Variants in HEXB observed in about 807,000 individuals in gnomAD.
The protein encoded by HEXB is beta-hexosaminidase subunit beta.
HEXB carries 51 observed loss-of-function variants against 71.2 expected under a neutral mutation model. The observed-to-expected ratio is 0.72, with a 90% CI of 0.57 to 0.90. The LOEUF (loss-of-function observed/expected upper bound fraction) is 0.90, where lower values mean the gene tolerates loss of function less well. Among genes scored for constraint, HEXB ranks in the 40% least tolerant of loss-of-function variants. The pLI is 0.00. For missense variants in HEXB, 617 were observed against 677.0 expected (o/e 0.91, Z 0.98); for synonymous variants, 266 against 249.3 (o/e 1.07, Z -0.63).
chr5:74,711,602 C>A (rs1749543321), intron 6 of HEXB, among the ~76,000 whole-genome samples: 1 of 152,066 alleles, frequency 6.6e-6, no homozygotes, highest in Admixed American at 6.6e-5. Flanking sequence ...AAACAAACAA[C>A]CCCATCAAAA....
upstream of HEXB, among the ~76,000 whole-genome samples, chr5:74,682,818 G>T (rs764795658): frequency 3.9e-5 from 6 of 152,312 alleles, no homozygotes; most frequent in East Asian, 1.2e-3. Flanking sequence ...GGGGTGGAAA[G>T]ATGTGATACC....
At chr5:74,654,510 C>T (rs1748181008) in intron 1 of HEXB, among the ~76,000 whole-genome samples, 1 of 152,076 alleles carries the variant, frequency 6.6e-6, no homozygotes, top group Non-Finnish European at 1.5e-5. Context: ...GAGGTAAACC[C>T]TTACTGGTTA....
intron 1 of HEXB, among the ~76,000 whole-genome samples, chr5:74,650,693 G>A (rs1232384604): frequency 6.6e-6 from 1 of 152,034 alleles, no homozygotes; most frequent in Non-Finnish European, 1.5e-5. Context: ...AGGCCAAGGC[G>A]GGTGGATCAC....
At chr5:74,703,206 G>T (rs1213232291) in intron 5 of HEXB, among the ~76,000 whole-genome samples, 2 of 152,212 alleles carry the variant, frequency 1.3e-5, no homozygotes, top group African/African-American at 4.8e-5. Context: ...ACCCAGCTTG[G>T]CCTCCCAAAG....
Position 74,685,268 on chromosome 5 carries a change from T to A in HEXB, c.8T>A (p.Leu3Gln). The A allele has an allele frequency of 1.3e-6, 2 of 1,532,748 alleles. No individual in the cohort carries two copies. The highest frequency in any genetic ancestry group is 1.7e-6 in the Non-Finnish European group (2 of 1,145,928). 94.9% of individuals were successfully genotyped at this position (1,532,748 alleles called of 1,614,324 possible). A position where few individuals can be genotyped will look rare whatever the true frequency, so the allele number is the denominator to read the frequency against. ...GAAAGCAGCCGAGCGGCCATGGAGC[T>A]GTGCGGGCTGGGGCTGCCCCGGCCG... The part of the protein sequence containing the change: ME[L>Q]CGLGLPRPPM... The change falls in exon 1 of 14, where the codon CTG becomes CAG. Residue 3 changes from leucine to glutamine, a missense_variant. Physicochemically the swap from Leu to Gln is moderately radical, Grantham distance 113 (BLOSUM62 -2). Coordinates refer to ENST00000261416, the MANE Select transcript of HEXB (RefSeq NM_000521.4).
In HEXB at chr5:74,720,713, GAC is replaced by G. The variant is rs770126807; in HGVS notation, c.1581_1582del (p.Asp527GlufsTer25). On this transcript the variant is annotated frameshift_variant, in exon 13 of 14. Transcript: ENST00000261416. LOFTEE classifies it low-confidence loss of function (END_TRUNC). The part of the protein sequence containing the change: ...KDVRDMDDAY[D>X]RLTRHRCRMV... ...TGTCAGAGATATGGATGACGCCTATGACAGACTGACAAGGCACCGCTGCAGGA... is the reference window on the plus strand; with the variant it reads ...TGTCAGAGATATGGATGACGCCTATGAGACTGACAAGGCACCGCTGCAGGA... 6.2e-7 allele frequency: 1 copy of G among 1,614,120 alleles called. No homozygotes were observed. The highest frequency in any genetic ancestry group is 8.5e-7 in the Non-Finnish European group (1 of 1,179,958).
At chr5:74,647,838 A>T (rs1419902370) in intron 1 of HEXB, among the ~76,000 whole-genome samples, 1 of 152,236 alleles carries the variant, frequency 6.6e-6, no homozygotes, top group African/African-American at 2.4e-5. Flanking sequence ...CCAATCAGTC[A>T]TTCATTCAAC....
intron 5 of HEXB, among the ~76,000 whole-genome samples, chr5:74,701,814 A>T (rs1306557917): frequency 6.6e-6 from 1 of 152,074 alleles, no homozygotes; most frequent in Non-Finnish European, 1.5e-5. Flanking sequence ...CCACATGGGC[A>T]CATATGATGC....
At chr5:74,710,478 G>A (rs1175830723) in intron 6 of HEXB, among the ~76,000 whole-genome samples, 1 of 152,048 alleles carries the variant, frequency 6.6e-6, no homozygotes, top group Non-Finnish European at 1.5e-5. Context: ...TATTCAATTA[G>A]GAAAAGAGGA....
intron 5 of HEXB, among the ~76,000 whole-genome samples, chr5:74,697,716 A>G (rs1426923260): frequency 7.7e-6 from 1 of 129,756 alleles, no homozygotes; most frequent in Non-Finnish European, 1.6e-5. Context: ...CGACAGAGCA[A>G]GACTCTGTCT....
intron 2 of HEXB, among the ~76,000 whole-genome samples, chr5:74,692,324 C>G (rs1749019613): frequency 6.7e-6 from 1 of 148,212 alleles, no homozygotes; most frequent in Non-Finnish European, 1.5e-5. Context: ...ATGGCAAAAC[C>G]CTGTCTCTAC....
At chr5:74,685,993 CCCTCACCTCT>C (rs751591871) in intron 1 of HEXB, among the ~76,000 whole-genome samples, 3 of 151,976 alleles carry the variant, frequency 2.0e-5, no homozygotes, top group Non-Finnish European at 2.9e-5. Flanking sequence ...CAGTTTCGCC[CCCTCACCTCT>C]CCTCACATCT....
In HEXB at chr5:74,658,181, G is replaced by C. The variant is rs150139288; in HGVS notation, c.-377+17623G>C. 2.3e-3 allele frequency among the ~76,000 whole-genome samples: 344 copies of C among 152,280 alleles called. 7 individuals are homozygous for C. The South Asian group carries it at 0.058, about 26-fold the overall frequency. Reference sequence around the variant, plus strand: ...CAGCACATGTGCCTCCCAGCATTAGGAGGGCATTCCTGGTGAGAAGGAAAA... The same window carrying C: ...CAGCACATGTGCCTCCCAGCATTAGCAGGGCATTCCTGGTGAGAAGGAAAA... On this transcript the variant is annotated intron_variant, in intron 1 of 13. Transcript: ENST00000511181.
chr5:74,696,611 A>G, intron 3 of HEXB, 82 bp from the exon 4 acceptor site: 1 of 768,126 alleles, frequency 1.3e-6, no homozygotes. Context: ...TTACCTGGTT[A>G]TGAGTCTGTT....
At chr5:74,714,973 G>A (rs1024163403) in intron 7 of HEXB, among the ~76,000 whole-genome samples, 1 of 152,172 alleles carries the variant, frequency 6.6e-6, no homozygotes, top group African/African-American at 2.4e-5. Flanking sequence ...GACCAGGAGG[G>A]TGATAGTGGG....
At chr5:74,700,391 C>G (rs1427784304) in intron 5 of HEXB, among the ~76,000 whole-genome samples, 1 of 151,714 alleles carries the variant, frequency 6.6e-6, no homozygotes, top group East Asian at 1.9e-4. Flanking sequence ...TTATAGTTGT[C>G]TATAGATTGT....
intron 1 of HEXB, among the ~76,000 whole-genome samples, chr5:74,673,345 TTATGGA>T (rs1289702810): frequency 6.6e-6 from 1 of 152,214 alleles, no homozygotes; most frequent in Non-Finnish European, 1.5e-5. Flanking sequence ...TTCGGGTTGC[TTATGGA>T]TATGTCATGA....
intron 6 of HEXB, among the ~76,000 whole-genome samples, 179 bp from the exon 7 acceptor site, chr5:74,713,327 C>T (rs1455153616): frequency 1.3e-5 from 2 of 152,154 alleles, no homozygotes; most frequent in African/African-American, 4.8e-5. Flanking sequence ...AAATTTTCTA[C>T]TCCTGAAACT....
chr5:74,673,343 G>C (rs748899174), intron 1 of HEXB, among the ~76,000 whole-genome samples: 1 of 152,176 alleles, frequency 6.6e-6, no homozygotes, highest in Admixed American at 6.5e-5. Context: ...ATTTCGGGTT[G>C]CTTATGGATA....
Sources: allele counts gnomAD v4.1 joint callset (sites outside exome capture counted in the v4.1 genomes callset), GRCh38; gene constraint gnomAD v4.1.1; transcripts MANE v1.5; gene names NCBI Gene and HGNC (gene_info 2026-07-23, HGNC 2026-07-21).